FRMPD4: variants seen among roughly 807,000 people sequenced by gnomAD.
The protein encoded by FRMPD4 is FERM and PDZ domain-containing protein 4.
Under a neutral mutation model 94.1 loss-of-function variants are expected in FRMPD4, and 22 were observed. The ratio of observed to expected loss-of-function variants is 0.23; its 90% CI spans 0.17 to 0.33. The LOEUF is 0.33. FRMPD4 is among the 10% of genes least tolerant of loss of function. FRMPD4 has a pLI of 1.00. For synonymous variants in FRMPD4, 631 were observed against 548.6 expected (o/e 1.15, Z -2.10); for missense variants, 1,111 against 1,339.9 (o/e 0.83, Z 2.67).
intron 3 of FRMPD4, among the ~76,000 whole-genome samples, chrX:12,072,345 T>C (rs2054976287): frequency 8.9e-6 from 1 of 112,384 alleles, no homozygotes; most frequent in African/African-American, 3.2e-5. Context: ...TCATGCAATA[T>C]ATTGCTACTG....
chrX:12,256,946 G>T (rs1006738962), intron 1 of FRMPD4, among the ~76,000 whole-genome samples: 1 of 111,599 alleles, frequency 9.0e-6, no homozygotes, highest in African/African-American at 3.3e-5. Flanking sequence ...TTATCTCAGT[G>T]TTCTAATTTA....
At chrX:11,970,714 G>A (rs917330618) in intron 3 of FRMPD4, among the ~76,000 whole-genome samples, 11 of 111,559 alleles carry the variant, frequency 9.9e-5, no homozygotes, top group South Asian at 3.8e-4. Flanking sequence ...TTTTTCCCCC[G>A]AAAAGTTTTC....
chrX:12,717,093 T>G lies in FRMPD4; in HGVS notation c.2634T>G (p.Ala878=), dbSNP rs1171596730. The G allele has an allele frequency of 1.7e-6, 2 of 1,186,227 alleles. No homozygotes were observed. The highest frequency in any genetic ancestry group is 3.5e-5 in the African/African-American group (2 of 56,717). The part of the protein sequence containing the change: ...AVVSTLGALE[A]LSVSEEQQTS... ...TCTCCACGCTGGGAGCTCTAGAGGC[T>G]CTATCCGTGTCAGAAGAACAGCAGA... Residue 878 remains alanine, a synonymous_variant, in exon 15 of 17, where the codon GCT becomes GCG. Transcript: ENST00000675598.
At chrX:12,694,099 G>A (rs1418727810) in intron 8 of FRMPD4, among the ~76,000 whole-genome samples, 1 of 111,811 alleles carries the variant, frequency 8.9e-6, no homozygotes, top group Non-Finnish European at 1.9e-5. Flanking sequence ...TCCCCTGGGA[G>A]CACTTTCTTA....
chrX:11,945,113 C>T (rs1347963902), intron 3 of FRMPD4, among the ~76,000 whole-genome samples: 1 of 111,349 alleles, frequency 9.0e-6, no homozygotes, highest in Non-Finnish European at 1.9e-5. Context: ...CTTGAGGATT[C>T]CAGTGAACAA....
At chrX:12,710,822 C>G (rs2041972241) in intron 14 of FRMPD4, among the ~76,000 whole-genome samples, 1 of 111,102 alleles carries the variant, frequency 9.0e-6, no homozygotes, top group African/African-American at 3.3e-5. Flanking sequence ...AGGAGAATCA[C>G]TTGAACCTGG....
rs1460460959 is a variant in FRMPD4, at chrX:12,640,654, G to T, written c.422+25773G>T. Among the ~76,000 whole-genome samples the T allele has an allele frequency of 2.7e-5, 3 of 111,863 alleles. No individual in the cohort carries two copies. The Admixed American group carries it at 2.8e-4, about 11-fold the overall frequency. The stretch of plus-strand genomic sequence containing the variant: ...TATGATGGTTATTTCAATATGTTTT[G>T]GTAGAGGGAATATGTTCCCAGTATG... On this transcript the variant is annotated intron_variant, in intron 4 of 16. Transcript: ENST00000675598.
chrX:12,652,054 G>T (rs1602263787), intron 4 of FRMPD4, among the ~76,000 whole-genome samples: 2 of 112,425 alleles, frequency 1.8e-5, no homozygotes, highest in South Asian at 7.3e-4. Context: ...GGCCTCCCAT[G>T]GGAATGACCC....
At chrX:12,241,981 GGAA>G (rs1324988198) in intron 1 of FRMPD4, among the ~76,000 whole-genome samples, 6 of 80,961 alleles carry the variant, frequency 7.4e-5, no homozygotes, top group African/African-American at 1.6e-4. Context: ...AAGAGGAAGA[GGAA>G]GAAGAAGAAG....
chrX:12,473,835 A>G (rs1375064353), intron 1 of FRMPD4, among the ~76,000 whole-genome samples: 1 of 109,967 alleles, frequency 9.1e-6, no homozygotes, highest in Non-Finnish European at 1.9e-5. Context: ...GAGACCTACA[A>G]AGAGACTTAG....
chrX:11,935,269 GTT>G lies in FRMPD4; in HGVS notation c.95+57277_95+57278del, dbSNP rs1234166611. Among the ~76,000 whole-genome samples, 3 of 5,010 alleles carry G rather than the reference GTT, an allele frequency of 6.0e-4. 1 individual carries two copies. Among genetic ancestry groups the G allele is most frequent in the African/African-American group, 2.6e-3 (3 of 1,144 alleles). 4.4% of individuals were successfully genotyped at this position (5,010 alleles called of 115,157 possible). On this transcript the variant is annotated intron_variant, in intron 3 of 18. Coordinates refer to the FRMPD4 transcript ENST00000640291. ...TTGTTGTTTTTTTTTTTTTTAATGT[GTT>G]TTTTTTTTTTTTTTTTTTTTTTTTT...
chrX:11,851,964 A>C (rs1035415963), intron 1 of FRMPD4, among the ~76,000 whole-genome samples: 10 of 107,902 alleles, frequency 9.3e-5, no homozygotes, highest in Non-Finnish European at 3.8e-5. Flanking sequence ...AAAAAAAAAA[A>C]AAACCTCTAA....
intron 3 of FRMPD4, 108 bp from the exon 4 acceptor site, chrX:12,614,671 G>C: frequency 2.1e-6 from 1 of 476,696 alleles, no homozygotes; most frequent in Admixed American, 2.8e-5. Flanking sequence ...TTGGGTTTCG[G>C]TTTTGCTGAT....
At chrX:12,579,841 G>A (rs930951545) in intron 2 of FRMPD4, among the ~76,000 whole-genome samples, 1 of 111,733 alleles carries the variant, frequency 8.9e-6, no homozygotes, top group Non-Finnish European at 1.9e-5. Flanking sequence ...TCCAGAAAAT[G>A]ATGAGATTGA....
intron 1 of FRMPD4, among the ~76,000 whole-genome samples, chrX:12,472,131 T>A (rs1190704869): frequency 8.9e-6 from 1 of 112,084 alleles, no homozygotes; most frequent in Non-Finnish European, 1.9e-5. Flanking sequence ...CAAAAAATAT[T>A]GCTACTACTG....
chrX:12,720,563 G>T lies in FRMPD4; in HGVS notation c.3994G>T (p.Gly1332Ter). ...ALTEPGKERR[G>*]GMPSAWSQHP... is the part of the protein sequence containing the mutation. ...GACAGAGCCTGGGAAGGAGAGACGA[G>T]GAGGCATGCCTTCAGCTTGGTCTCA... Residue 1332 changes from glycine to a stop codon, truncating the protein, a stop_gained, in exon 17 of 17, where the codon GGA (glycine) becomes TGA (stop). Transcript: ENST00000675598. LOFTEE classifies it high-confidence loss of function. The T allele has an allele frequency of 8.3e-7, 1 of 1,203,953 alleles. No individual in the cohort carries two copies.
intron 3 of FRMPD4, among the ~76,000 whole-genome samples, chrX:11,909,793 G>T (rs1374102002): frequency 9.0e-6 from 1 of 110,535 alleles, no homozygotes; most frequent in Non-Finnish European, 1.9e-5. Flanking sequence ...CAGACCATGA[G>T]TTATTTAGCA....
intron 3 of FRMPD4, among the ~76,000 whole-genome samples, chrX:11,919,365 A>G (rs1162655458): frequency 1.8e-5 from 2 of 112,479 alleles, no homozygotes; most frequent in South Asian, 3.7e-4. Context: ...ACTATATAAT[A>G]TCTGTTATGA....
At chrX:12,549,027 A>T (rs2058507130) in intron 2 of FRMPD4, among the ~76,000 whole-genome samples, 1 of 111,521 alleles carries the variant, frequency 9.0e-6, no homozygotes, top group South Asian at 3.8e-4. Flanking sequence ...TTTTGGCACA[A>T]CTTCTACTTC....
Sources: gnomAD v4.1 joint callset for allele counts (sites outside exome capture counted in the v4.1 genomes callset) on GRCh38, gnomAD v4.1.1 for gene constraint, MANE v1.5 for transcripts, NCBI Gene and HGNC (gene_info 2026-07-23, HGNC 2026-07-21) for gene names.